The following CDH18 variants were observed in gnomAD, a reference collection of about 807,000 sequenced individuals.
The protein encoded by CDH18 is cadherin-18.
Under a neutral mutation model 67.9 loss-of-function variants are expected in CDH18, and 31 were observed. The ratio of observed to expected loss-of-function variants is 0.46; its 90% CI spans 0.34 to 0.62. The LOEUF is 0.62. CDH18 is among the 20% of genes least tolerant of loss of function. CDH18 has a pLI of 0.01. For missense variants in CDH18, 890 were observed against 975.5 expected, an observed-to-expected ratio of 0.91 and a Z score of 1.17; for synonymous variants, 362 against 347.2, an observed-to-expected ratio of 1.04 and a Z score of -0.48.
intron 2 of CDH18, among the ~76,000 whole-genome samples, chr5:19,972,680 T>C (rs1308382672): frequency 2.6e-5 from 4 of 151,974 alleles, no homozygotes; most frequent in Non-Finnish European, 5.9e-5. Flanking sequence ...TGTAGGAACA[T>C]AAATTAGTAG....
chr5:19,480,471 G>A (rs1081262), intron 12 of CDH18, among the ~76,000 whole-genome samples: 13,015 of 151,336 alleles, frequency 0.086, 621 homozygotes, highest in African/African-American at 0.11. Flanking sequence ...TCCGCCTCCC[G>A]GGCTCACGCC....
At chr5:19,720,483 G>C (rs574728371) in intron 5 of CDH18, among the ~76,000 whole-genome samples, 5 of 152,024 alleles carry the variant, frequency 3.3e-5, no homozygotes, top group Non-Finnish European at 7.4e-5. Context: ...CTGAACACTT[G>C]TCTAAATTAA....
At chr5:19,761,174 C>T (rs1215148534) in intron 3 of CDH18, among the ~76,000 whole-genome samples, 1 of 152,124 alleles carries the variant, frequency 6.6e-6, no homozygotes, top group Non-Finnish European at 1.5e-5. Context: ...GTCTGTTTTT[C>T]CGCAATTTCA....
chr5:19,832,578 C>A (rs940250239), intron 3 of CDH18, among the ~76,000 whole-genome samples: 3 of 151,846 alleles, frequency 2.0e-5, no homozygotes, highest in African/African-American at 7.2e-5. Context: ...TTTCTTTTGG[C>A]GTTTTTGTCA....
At chr5:19,689,324 G>T (rs1345929914) in intron 5 of CDH18, among the ~76,000 whole-genome samples, 1 of 152,060 alleles carries the variant, frequency 6.6e-6, no homozygotes, top group East Asian at 1.9e-4. Flanking sequence ...ATTGGCACTG[G>T]ATTTCTCAGA....
Position 20,490,221 on chromosome 5 carries a change from G to C in CDH18, c.-580+85241C>G, listed in dbSNP as rs184898110. Among the ~76,000 whole-genome samples, 58 of 152,122 alleles carry C rather than the reference G, an allele frequency of 3.8e-4. 1 individual carries two copies. Among genetic ancestry groups the C allele is most frequent in the South Asian group, 1.5e-3 (7 of 4,826 alleles). On this transcript the variant is annotated intron_variant, in intron 1 of 14. Coordinates refer to the CDH18 transcript ENST00000507958. ...CTGGGGCCATTTTTATGATCAAAAG[G>C]CTTTACAGATTTATGGCAAACATTA...
chr5:19,866,768 C>T (rs2150003103), intron 2 of CDH18, among the ~76,000 whole-genome samples: 1 of 152,132 alleles, frequency 6.6e-6, no homozygotes, highest in South Asian at 2.1e-4. Context: ...ACTCAATAGG[C>T]AATTCGAGCA....
chr5:20,114,758 A>C (rs1747749510), intron 2 of CDH18, among the ~76,000 whole-genome samples: 1 of 152,170 alleles, frequency 6.6e-6, no homozygotes, highest in African/African-American at 2.4e-5. Context: ...GGAAAAGAGT[A>C]CTGAGATCCA....
intron 6 of CDH18, among the ~76,000 whole-genome samples, chr5:19,602,578 T>C (rs1034082053): frequency 6.6e-6 from 1 of 151,454 alleles, no homozygotes; most frequent in South Asian, 2.1e-4. Context: ...CTAGTGTTGG[T>C]GAGGATGTGG....
At chr5:20,569,567 C>T (rs1226027756) in intron 1 of CDH18, among the ~76,000 whole-genome samples, 2 of 152,066 alleles carry the variant, frequency 1.3e-5, no homozygotes, top group Non-Finnish European at 2.9e-5. Context: ...GCCAAGGTCA[C>T]ACCACTGCAC....
intron 10 of CDH18, among the ~76,000 whole-genome samples, chr5:19,503,845 T>C (rs1238714851): frequency 6.6e-6 from 1 of 152,032 alleles, no homozygotes; most frequent in Non-Finnish European, 1.5e-5. Context: ...AAAATAAATA[T>C]CAAAATAAAC....
At chr5:20,381,016 G>C (rs1261360018) in intron 1 of CDH18, among the ~76,000 whole-genome samples, 2 of 152,030 alleles carry the variant, frequency 1.3e-5, no homozygotes, top group Non-Finnish European at 2.9e-5. Flanking sequence ...AGGTTCTTAG[G>C]GTGATCCCTA....
At chr5:19,989,163 C>A (rs1403129397), upstream of CDH18, among the ~76,000 whole-genome samples, 1 of 152,192 alleles carries the variant, frequency 6.6e-6, no homozygotes, top group Non-Finnish European at 1.5e-5. Context: ...GCACATCAAG[C>A]ATCCTTATTT....
At chr5:20,075,670 G>T (rs1336365165) in intron 2 of CDH18, among the ~76,000 whole-genome samples, 2 of 152,172 alleles carry the variant, frequency 1.3e-5, no homozygotes, top group Non-Finnish European at 2.9e-5. Flanking sequence ...CGAGGAGAAG[G>T]CTAAGTGTTT....
intron 2 of CDH18, among the ~76,000 whole-genome samples, chr5:20,119,374 T>A (rs915664863): frequency 2.0e-5 from 3 of 152,148 alleles, no homozygotes; most frequent in African/African-American, 7.2e-5. Flanking sequence ...TTCTTATATG[T>A]TGCCTTTCCA....
intron 1 of CDH18, among the ~76,000 whole-genome samples, chr5:20,289,515 A>G (rs1180086766): frequency 6.6e-6 from 1 of 151,928 alleles, no homozygotes; most frequent in African/African-American, 2.4e-5. Context: ...TTGAAAGTGC[A>G]CTACACTAGG....
intron 1 of CDH18, among the ~76,000 whole-genome samples, chr5:20,282,538 C>A (rs1389175089): frequency 6.6e-6 from 1 of 152,084 alleles, no homozygotes. Flanking sequence ...ATATGTTGAA[C>A]CAGCCTTGCA....
At chr5:19,961,727 T>C (rs771120524) in intron 2 of CDH18, among the ~76,000 whole-genome samples, 1 of 152,106 alleles carries the variant, frequency 6.6e-6, no homozygotes, top group Non-Finnish European at 1.5e-5. Flanking sequence ...TCTTTCATGA[T>C]TCTCTTAATT....
chr5:20,095,457 AAAG>A (rs1195386627), intron 2 of CDH18, among the ~76,000 whole-genome samples: 1 of 140,470 alleles, frequency 7.1e-6, no homozygotes, highest in South Asian at 2.4e-4. Context: ...AGAAAGAAAG[AAAG>A]AAGAAAGAAG....
Sources: allele counts gnomAD v4.1 joint callset (sites outside exome capture counted in the v4.1 genomes callset), GRCh38; gene constraint gnomAD v4.1.1; transcripts MANE v1.5; gene names NCBI Gene and HGNC (gene_info 2026-07-23, HGNC 2026-07-21).